The following MID1 variants were observed in gnomAD, a reference collection of about 807,000 sequenced individuals.
MID1 encodes E3 ubiquitin-protein ligase Midline-1.
MID1 carries 7 observed loss-of-function variants against 40.4 expected under a neutral mutation model. The ratio of observed to expected loss-of-function variants is 0.17; its 90% CI spans 0.10 to 0.33. The LOEUF (loss-of-function observed/expected upper bound fraction) is 0.33, where lower values mean the gene tolerates loss of function less well. MID1 is among the 10% of genes least tolerant of loss of function. The pLI is 1.00. For missense variants in MID1, 367 were observed against 558.5 expected, an observed-to-expected ratio of 0.66 and a Z score of 3.46; for synonymous variants, 229 against 221.2, an observed-to-expected ratio of 1.04 and a Z score of -0.31.
At chrX:10,757,954 CTTTATTTA>C (rs113458552) in intron 1 of MID1, among the ~76,000 whole-genome samples, 6 of 108,644 alleles carry the variant, frequency 5.5e-5, no homozygotes, top group Admixed American at 2.0e-4. Flanking sequence ...TCATAAGTCA[CTTTATTTA>C]TTTATTTATT....
intron 1 of MID1, among the ~76,000 whole-genome samples, chrX:10,825,327 C>G (rs1045676958): frequency 8.9e-6 from 1 of 112,059 alleles, no homozygotes; most frequent in African/African-American, 3.2e-5. Context: ...TTTTCCTAAC[C>G]CTATGGCTGC....
intron 1 of MID1, among the ~76,000 whole-genome samples, chrX:10,731,304 G>A (rs1014258567): frequency 4.5e-5 from 5 of 111,723 alleles, no homozygotes; most frequent in South Asian, 3.7e-4. Context: ...AAAGCAAAGC[G>A]AAACAAAATA....
At chrX:10,786,821 G>T (rs2043888234) in intron 1 of MID1, among the ~76,000 whole-genome samples, 1 of 76,358 alleles carries the variant, frequency 1.3e-5, no homozygotes, top group Non-Finnish European at 2.4e-5. Flanking sequence ...CTGTTGTGGG[G>T]TGGGGGGAGG....
chrX:10,533,391 A>AAAGAAAAGAAAG (rs1569089898), intron 2 of MID1, among the ~76,000 whole-genome samples: 2 of 55,066 alleles, frequency 3.6e-5, no homozygotes, highest in African/African-American at 7.8e-5. Flanking sequence ...AGAAAGAAAG[A>AAAGAAAAGAAAG]AAAGAAAGAA....
At chrX:10,680,662 C>T (rs757816979) in intron 1 of MID1, among the ~76,000 whole-genome samples, 1 of 111,380 alleles carries the variant, frequency 9.0e-6, no homozygotes, top group South Asian at 3.8e-4. Flanking sequence ...TTAAATTGAA[C>T]TGCCAAAAGC....
chrX:10,482,366 T>C, intron 5 of MID1, 114 bp downstream of exon 5: 1 of 812,261 alleles, frequency 1.2e-6, no homozygotes. Context: ...CTATTCTCTC[T>C]GGTACTGAGC....
intron 1 of MID1, among the ~76,000 whole-genome samples, chrX:10,585,410 C>T (rs1212198629): frequency 1.8e-5 from 2 of 111,826 alleles, no homozygotes; most frequent in South Asian, 3.8e-4. Flanking sequence ...ATACATAACA[C>T]GAAGTGACAC....
chrX:10,614,377 G>A (rs1040608126), intron 1 of MID1, among the ~76,000 whole-genome samples: 2 of 111,854 alleles, frequency 1.8e-5, no homozygotes, highest in African/African-American at 6.5e-5. Context: ...AAATGAAGAG[G>A]TCTGACCCAC....
chrX:10,593,098 T>C (rs1935342234), intron 1 of MID1, among the ~76,000 whole-genome samples: 1 of 112,219 alleles, frequency 8.9e-6, no homozygotes, highest in Admixed American at 9.4e-5. Context: ...AGGAAAAGTA[T>C]AATGTAGAAA....
intron 6 of MID1, 62 bp downstream of exon 6, chrX:10,474,561 G>T (rs1468097807): frequency 8.9e-7 from 1 of 1,120,695 alleles, no homozygotes; most frequent in Non-Finnish European, 1.2e-6. Flanking sequence ...TAACTGATCT[G>T]GTGGCAAAGT....
intron 1 of MID1, among the ~76,000 whole-genome samples, chrX:10,696,311 G>A (rs1312788569): frequency 6.3e-5 from 7 of 111,865 alleles, no homozygotes; most frequent in Non-Finnish European, 1.1e-4. Flanking sequence ...ATGCTAGCAG[G>A]CCTCTGTGCA....
intron 1 of MID1, among the ~76,000 whole-genome samples, chrX:10,572,192 A>C (rs1007923603): frequency 6.5e-4 from 53 of 81,393 alleles, no homozygotes; most frequent in Admixed American, 6.5e-3. Flanking sequence ...TCTAATACAC[A>C]CACACACACA....
chrX:10,641,278 T>C (rs1442948626), intron 1 of MID1, among the ~76,000 whole-genome samples: 13 of 110,237 alleles, frequency 1.2e-4, no homozygotes, highest in Non-Finnish European at 2.1e-4. Flanking sequence ...GCTAGCAAGA[T>C]TAATAAAGAA....
chrX:10,749,698 A>C lies in MID1; in HGVS notation c.-187+83856T>G, dbSNP rs1434900269. Among the ~76,000 whole-genome samples the C allele has an allele frequency of 2.7e-5, 3 of 111,676 alleles. No individual in the cohort carries two copies. The Admixed American group carries it at 2.9e-4, about 11-fold the overall frequency. Reference sequence around the variant, plus strand: ...AGTCATACGGAAAGCAAAGGGGAAGAAGCACGTCACTTGGCTAAAGCAGGA... The same window carrying C: ...AGTCATACGGAAAGCAAAGGGGAAGCAGCACGTCACTTGGCTAAAGCAGGA... On this transcript the variant is annotated intron_variant, in intron 1 of 10. Transcript: ENST00000380785.
intron 2 of MID1, among the ~76,000 whole-genome samples, chrX:10,543,486 A>C (rs751786034): frequency 9.0e-6 from 1 of 111,266 alleles, no homozygotes; most frequent in African/African-American, 3.3e-5. Flanking sequence ...TGCATATTCT[A>C]TCTCTAGTCC....
At chrX:10,746,183 G>A (rs766837913) in intron 1 of MID1, among the ~76,000 whole-genome samples, 1 of 111,931 alleles carries the variant, frequency 8.9e-6, no homozygotes, top group African/African-American at 3.2e-5. Flanking sequence ...AGTATGCTTG[G>A]GAAGAGCCAG....
intron 1 of MID1, among the ~76,000 whole-genome samples, chrX:10,766,901 C>A (rs2043733650): frequency 9.8e-6 from 1 of 102,461 alleles, no homozygotes; most frequent in Non-Finnish European, 1.9e-5. Context: ...AGAGCAAGAC[C>A]CTGCCTCAAA....
intron 1 of MID1, among the ~76,000 whole-genome samples, chrX:10,633,852 A>G (rs1296625558): frequency 8.9e-6 from 1 of 111,756 alleles, no homozygotes; most frequent in Non-Finnish European, 1.9e-5. Flanking sequence ...GAACAGAAGA[A>G]GGTAGATGAA....
chrX:10,588,023 A>C (rs370239377), intron 1 of MID1, among the ~76,000 whole-genome samples: 1 of 112,070 alleles, frequency 8.9e-6, no homozygotes, highest in East Asian at 2.8e-4. Flanking sequence ...CTTTAAGAAA[A>C]ACCTGTTGCA....
Sources: allele counts gnomAD v4.1 joint callset (sites outside exome capture counted in the v4.1 genomes callset), GRCh38; gene constraint gnomAD v4.1.1; transcripts MANE v1.5; gene names NCBI Gene and HGNC (gene_info 2026-07-23, HGNC 2026-07-21).